The following PIGN variants were observed in gnomAD, a reference collection of about 807,000 sequenced individuals.
PIGN encodes GPI ethanolamine phosphate transferase 1.
Under a neutral mutation model 125.4 loss-of-function variants are expected in PIGN, and 117 were observed. The ratio of observed to expected loss-of-function variants is 0.93; its 90% CI spans 0.80 to 1.09. PIGN has a LOEUF of 1.09. Ranked by LOEUF, PIGN falls within the 50% of genes least tolerant of loss-of-function variation. The pLI is 0.00. For synonymous variants in PIGN, 392 were observed against 377.8 expected (o/e 1.04, Z -0.44); for missense variants, 1,075 against 1,094.9 (o/e 0.98, Z 0.26).
intron 4 of PIGN, 124 bp downstream of exon 4, chr18:62,161,009 G>A: frequency 1.7e-6 from 1 of 604,704 alleles, no homozygotes; most frequent in Non-Finnish European, 2.9e-6. Flanking sequence ...ATGTACAAGT[G>A]CCCTATTCTC....
chr18:62,157,248 G>A (rs751726488), intron 5 of PIGN, 21 bp from the exon 6 acceptor site: 27 of 1,331,778 alleles, frequency 2.0e-5, no homozygotes, highest in Non-Finnish European at 2.7e-5. Flanking sequence ...CAAGCAAGCA[G>A]TAATAGTTAT....
At chr18:62,132,008 CAA>C (rs78263022) in intron 14 of PIGN, among the ~76,000 whole-genome samples, 1 of 150,362 alleles carries the variant, frequency 6.7e-6, no homozygotes. Flanking sequence ...TTTCTAAGAA[CAA>C]AAAAAAATGA....
At chr18:62,129,342 C>T (rs2035648885) in intron 14 of PIGN, among the ~76,000 whole-genome samples, 1 of 152,196 alleles carries the variant, frequency 6.6e-6, no homozygotes, top group Admixed American at 6.5e-5. Flanking sequence ...AGACCCACTG[C>T]AGCCCATAGC....
chr18:62,139,299 C>A (rs762936405), intron 12 of PIGN, among the ~76,000 whole-genome samples: 1 of 152,188 alleles, frequency 6.6e-6, no homozygotes, highest in Admixed American at 6.5e-5. Flanking sequence ...GAATTAAATT[C>A]AGTAACACCT....
At chr18:62,148,086 A>G (rs1378042343) in intron 8 of PIGN, 128 bp downstream of exon 8, 1 of 657,048 alleles carries the variant, frequency 1.5e-6, no homozygotes, top group East Asian at 3.5e-5. Context: ...TGAGAACTTA[A>G]TAAACATTAC....
chr18:62,179,078 C>G (rs2037626947), intron 1 of PIGN, among the ~76,000 whole-genome samples: 1 of 152,114 alleles, frequency 6.6e-6, no homozygotes, highest in Non-Finnish European at 1.5e-5. Flanking sequence ...TGGGATTTAT[C>G]TGATGTTTTT....
intron 14 of PIGN, among the ~76,000 whole-genome samples, chr18:62,117,408 C>T (rs897402502): frequency 2.0e-5 from 3 of 151,618 alleles, no homozygotes; most frequent in African/African-American, 7.3e-5. Context: ...CATATGTGAA[C>T]TAAAATGAAC....
At chr18:62,066,455 T>G (rs554132917) in intron 30 of PIGN, among the ~76,000 whole-genome samples, 1 of 152,350 alleles carries the variant, frequency 6.6e-6, no homozygotes, top group African/African-American at 2.4e-5. Flanking sequence ...ATGTAGAAGA[T>G]AATGTAAATA....
downstream of PIGN, among the ~76,000 whole-genome samples, chr18:62,038,418 TTCTC>T (rs2030290698): frequency 6.7e-6 from 1 of 149,644 alleles, no homozygotes; most frequent in Non-Finnish European, 1.5e-5. Context: ...GTTAGAAACT[TTCTC>T]TCAGTTGCAG....
chr18:62,131,730 A>G (rs879673444), intron 14 of PIGN, among the ~76,000 whole-genome samples: 1 of 152,218 alleles, frequency 6.6e-6, no homozygotes, highest in Non-Finnish European at 1.5e-5. Flanking sequence ...CCTAAGATAA[A>G]GAATCTTGGC....
chr18:62,061,524 AAAAAAAAAAAAAAAT>A (rs1442311394), intron 30 of PIGN, among the ~76,000 whole-genome samples: 4 of 106,930 alleles, frequency 3.7e-5, no homozygotes, highest in Non-Finnish European at 1.9e-5. Flanking sequence ...AAAAAAAAAA[AAAAAAAAAAAAAAAT>A]GCAATAAAAT....
intron 23 of PIGN, among the ~76,000 whole-genome samples, chr18:62,033,530 G>A (rs555023738): frequency 2.0e-5 from 3 of 152,266 alleles, no homozygotes; most frequent in East Asian, 3.9e-4. Flanking sequence ...CATTAAGCAC[G>A]AATGCCTACA....
At chr18:62,103,957 A>T (rs2034543592) in intron 20 of PIGN, among the ~76,000 whole-genome samples, 1 of 152,184 alleles carries the variant, frequency 6.6e-6, no homozygotes, top group South Asian at 2.1e-4. Context: ...TTACTTTAGA[A>T]CACTGGAGTA....
chr18:62,176,933 T>G (rs534379453), intron 1 of PIGN, among the ~76,000 whole-genome samples: 1 of 150,160 alleles, frequency 6.7e-6, no homozygotes, highest in South Asian at 2.1e-4. Context: ...TTGCAACTTT[T>G]CCACAGATCT....
chr18:62,173,062 T>C (rs1485197556), intron 1 of PIGN, among the ~76,000 whole-genome samples: 1 of 152,242 alleles, frequency 6.6e-6, no homozygotes, highest in Non-Finnish European at 1.5e-5. Flanking sequence ...CTTTACATTA[T>C]GCTGAAGAAA....
intron 10 of PIGN, among the ~76,000 whole-genome samples, chr18:62,143,669 C>T (rs1455505840): frequency 6.6e-6 from 1 of 152,124 alleles, no homozygotes; most frequent in Admixed American, 6.5e-5. Context: ...CAACTGTCAG[C>T]ATTGACAACT....
intron 23 of PIGN, among the ~76,000 whole-genome samples, chr18:62,019,945 G>A (rs1444876375): frequency 1.3e-5 from 2 of 152,248 alleles, no homozygotes; most frequent in African/African-American, 4.8e-5. Flanking sequence ...CTGAACTGAG[G>A]AGACAGAAAT....
intron 14 of PIGN, 177 bp downstream of exon 14, chr18:62,138,066 A>C (rs2035999246): frequency 1.2e-6 from 1 of 835,492 alleles, no homozygotes; most frequent in Non-Finnish European, 1.8e-6. Flanking sequence ...AAAGTTATCT[A>C]GCACCTGGCT....
At chr18:62,057,013 C>T (rs754969911) in intron 30 of PIGN, among the ~76,000 whole-genome samples, 5 of 152,170 alleles carry the variant, frequency 3.3e-5, no homozygotes, top group Non-Finnish European at 5.9e-5. Context: ...CCCCTGCACC[C>T]TTCACCCCAT....
Sources: gnomAD v4.1 joint callset for allele counts (sites outside exome capture counted in the v4.1 genomes callset) on GRCh38, gnomAD v4.1.1 for gene constraint, MANE v1.5 for transcripts, NCBI Gene and HGNC (gene_info 2026-07-23, HGNC 2026-07-21) for gene names.